PSMD9: variants seen among roughly 807,000 people sequenced by gnomAD.
The protein encoded by PSMD9 is proteasome 26S subunit, non-ATPase 9.
PSMD9 carries 26 observed loss-of-function variants against 25.9 expected under a neutral mutation model. That is an observed-to-expected ratio of 1.00 (90% CI 0.73 to 1.39). The LOEUF is 1.39. Ranked by LOEUF, PSMD9 falls within the 40% of genes most tolerant of loss-of-function variation. The pLI, the probability that PSMD9 is intolerant of heterozygous loss-of-function variation, is 0.00. For missense variants in PSMD9, 303 were observed against 299.3 expected, an observed-to-expected ratio of 1.01 and a Z score of -0.09; for synonymous variants, 110 against 114.5, an observed-to-expected ratio of 0.96 and a Z score of 0.25.
In PSMD9 at chr12:121,888,800, G is replaced by C; in HGVS notation, c.-57G>C. The C allele has an allele frequency of 6.4e-7, 1 of 1,559,228 alleles. No individual in the cohort carries two copies. The highest frequency in any genetic ancestry group is 1.2e-5 in the South Asian group (1 of 84,994). ...GGCGGAGCCGTAGTTACGGTCGACT[G>C]GGGCGTCGTCCCTAGCCCGGGAGCC... is the stretch of plus-strand genomic sequence containing the variant. On this transcript the variant is annotated 5_prime_UTR_variant, in exon 1 of 6. Transcript: ENST00000541212.
At position 121,894,838 on chromosome 12, in the gene PSMD9, A is replaced by G. The variant is rs1879186494; in HGVS notation, c.238A>G (p.Ile80Val). ...AGTCCGCACCGCCAGGCACAACATC[A>G]TATGTGAGTGGCCCTCTTAGAAGAC... ...YQVRTARHNIICLQNDHKAVM... is the reference protein window; with the variant it reads ...YQVRTARHNIVCLQNDHKAVM... The change falls in exon 2 of 6, where the codon ATA (isoleucine) becomes GTA (valine). Residue 80 changes from isoleucine (I) to valine (V), a missense_variant. Ile to Val is a conservative substitution (Grantham distance 29). Coordinates refer to ENST00000541212, the MANE Select transcript of PSMD9 (RefSeq NM_002813.7). 3 of 1,612,728 alleles carry G rather than the reference A, an allele frequency of 1.9e-6. No individual in the cohort carries two copies. Among genetic ancestry groups the G allele is most frequent in the Non-Finnish European group, 1.7e-6 (2 of 1,179,302 alleles).
chr12:121,893,333 T>C (rs1879141727), intron 1 of PSMD9, among the ~76,000 whole-genome samples: 1 of 152,166 alleles, frequency 6.6e-6, no homozygotes, highest in South Asian at 2.1e-4. Flanking sequence ...ACCCGGAGGC[T>C]TCCAGAGAGA....
At chr12:121,889,417 T>G (rs1878994278) in intron 1 of PSMD9, among the ~76,000 whole-genome samples, 1 of 152,220 alleles carries the variant, frequency 6.6e-6, no homozygotes, top group African/African-American at 2.4e-5. Context: ...AGAGTCTCAC[T>G]GTGTTGCCCA....
At position 121,904,418 on chromosome 12, in the gene PSMD9, C is replaced by A. The variant is rs540346351; in HGVS notation, c.555+1311C>A. Among the ~76,000 whole-genome samples, 119 of 149,444 alleles carry A rather than the reference C, an allele frequency of 8.0e-4. No individual in the cohort carries two copies. The Middle Eastern group carries it at 0.024, about 30-fold the overall frequency. On this transcript the variant is annotated intron_variant, in intron 4 of 5. Coordinates refer to ENST00000541212, the MANE Select transcript of PSMD9 (RefSeq NM_002813.7). Reference sequence around the variant, plus strand: ...TGAAACCCCGTCTCTACTAAAAATACAAAAAATTAGCCGGGTGTGGTGGCA... The same window carrying A: ...TGAAACCCCGTCTCTACTAAAAATAAAAAAAATTAGCCGGGTGTGGTGGCA...
Position 121,888,972 on chromosome 12 carries a change from C to A in PSMD9, c.116C>A (p.Ala39Asp). The A allele has an allele frequency of 6.3e-7, 1 of 1,588,954 alleles. No individual in the cohort carries two copies. The highest frequency in any genetic ancestry group is 8.6e-7 in the Non-Finnish European group (1 of 1,168,200). ...GAGGAGATAGAAGCGCAGATCAAGG[C>A]CAACTATGACGTGCTGGAAAGCGTG... Reference protein sequence around the residue: ...RKEEIEAQIKANYDVLESQKG... With the variant: ...RKEEIEAQIKDNYDVLESQKG... The change falls in exon 1 of 6, where the codon GCC (alanine) becomes GAC (aspartate). Residue 39 changes from alanine (A) to aspartate (D), a missense_variant. Ala to Asp is a moderately radical substitution (Grantham distance 126, BLOSUM62 -2). Coordinates refer to ENST00000541212, the MANE Select transcript of PSMD9 (RefSeq NM_002813.7).
rs1302652849 is a variant in PSMD9, at chr12:121,905,466, C to T, written c.555+2359C>T. On this transcript the variant is annotated intron_variant, in intron 4 of 5. Coordinates refer to ENST00000541212, the MANE Select transcript of PSMD9 (RefSeq NM_002813.7). Reference sequence around the variant, plus strand: ...GTCTCGATCTCCTGACCTCGTGATCCACCTGCCTTGGCCTCCCAAAGTGCT... The same window carrying T: ...GTCTCGATCTCCTGACCTCGTGATCTACCTGCCTTGGCCTCCCAAAGTGCT... Among the ~76,000 whole-genome samples the T allele has an allele frequency of 3.3e-4, 50 of 151,150 alleles. 1 individual carries two copies. The highest frequency in any genetic ancestry group is 3.3e-3 in the Admixed American group (50 of 15,196).
chr12:121,905,733 T>C lies in PSMD9; in HGVS notation c.555+2626T>C, dbSNP rs554406736. ...TTTTAGTAGAGACAGGGTTTCAGCA[T>C]GTTGGCCAGGCTGGTCTCAAACTCC... On this transcript the variant is annotated intron_variant, in intron 4 of 5. Transcript: ENST00000541212. 2.0e-5 allele frequency among the ~76,000 whole-genome samples: 3 copies of C among 151,926 alleles called. 1 individual carries two copies. The highest frequency in any genetic ancestry group is 7.3e-5 in the African/African-American group (3 of 41,248).
chr12:121,903,364 G>T (rs917764422), intron 4 of PSMD9, among the ~76,000 whole-genome samples: 1 of 152,096 alleles, frequency 6.6e-6, no homozygotes, highest in Admixed American at 6.6e-5. Context: ...TAATCCCAGT[G>T]GGGGCGCCAC....
chr12:121,907,218 C>T (rs142627309), intron 4 of PSMD9, among the ~76,000 whole-genome samples: 9 of 151,278 alleles, frequency 5.9e-5, no homozygotes, highest in East Asian at 2.0e-4. Flanking sequence ...TACAGGCACC[C>T]GCCACCACGC....
chr12:121,904,607 T>C (rs1879497799), intron 4 of PSMD9, among the ~76,000 whole-genome samples: 1 of 150,044 alleles, frequency 6.7e-6, no homozygotes, highest in African/African-American at 2.5e-5. Flanking sequence ...TTTTATTGTT[T>C]TATTTCTGTT....
chr12:121,894,240 C>G (rs1879168313), intron 1 of PSMD9: 1 of 160,052 alleles, frequency 6.2e-6, no homozygotes, highest in Non-Finnish European at 1.4e-5. Context: ...TCTCCCTGCC[C>G]TGTCACCTAG....
chr12:121,912,637 G>A (rs150161518), intron 4 of PSMD9, among the ~76,000 whole-genome samples: 5,215 of 152,054 alleles, frequency 0.034, 120 homozygotes, highest in Middle Eastern at 0.048. Context: ...AGGCTGAGGC[G>A]GGCGGATCAC....
At chr12:121,893,954 G>C (rs540009116) in intron 1 of PSMD9, 30 of 152,176 alleles carry the variant, frequency 2.0e-4, no homozygotes, top group Non-Finnish European at 3.7e-4. Context: ...AGGGAGGCGA[G>C]TGCTCCTATT....
At chr12:121,906,920 C>G (rs2135728171) in intron 4 of PSMD9, among the ~76,000 whole-genome samples, 2 of 144,104 alleles carry the variant, frequency 1.4e-5, no homozygotes, top group South Asian at 4.7e-4. Flanking sequence ...GAGCTTAGAT[C>G]ATGCCACTGC....
At chr12:121,893,163 T>C (rs924979096) in intron 1 of PSMD9, among the ~76,000 whole-genome samples, 1 of 152,208 alleles carries the variant, frequency 6.6e-6, no homozygotes, top group South Asian at 2.1e-4. Flanking sequence ...CAATGTGATA[T>C]TGATTCTCAA....
At chr12:121,915,561 A>G (rs886635487) in intron 4 of PSMD9, 14 of 349,648 alleles carry the variant, frequency 4.0e-5, no homozygotes, top group African/African-American at 2.5e-4. Context: ...AGGCATTTGT[A>G]TGTCTTGTAA....
At chr12:121,901,283 T>G (rs1219280001) in intron 3 of PSMD9, among the ~76,000 whole-genome samples, 1 of 152,196 alleles carries the variant, frequency 6.6e-6, no homozygotes, top group Non-Finnish European at 1.5e-5. Flanking sequence ...TCATATAATA[T>G]GTGACCTTTT....
rs1183403848 is a variant in PSMD9 at position 121,913,596 on chromosome 12, A to G, written c.556-2260A>G. Among the ~76,000 whole-genome samples, 3 of 146,704 alleles carry G rather than the reference A, an allele frequency of 2.0e-5. No individual in the cohort carries two copies. The Admixed American group carries it at 2.1e-4, about 10-fold the overall frequency. ...AGCCTTGAGCTTCTGGGCTCAAGTG[A>G]TCCTCCCACCTCAGCCTCCCAAGTA... is the stretch of plus-strand genomic sequence containing the variant. On this transcript the variant is annotated intron_variant, in intron 4 of 5. Transcript: ENST00000541212.
chr12:121,891,761 C>G (rs1421851048), intron 1 of PSMD9, among the ~76,000 whole-genome samples: 1 of 151,818 alleles, frequency 6.6e-6, no homozygotes, highest in African/African-American at 2.4e-5. Flanking sequence ...CAAAAATTAG[C>G]CAGGTGTGGT....
Sources: gnomAD v4.1 joint callset for allele counts (sites outside exome capture counted in the v4.1 genomes callset) on GRCh38, gnomAD v4.1.1 for gene constraint, MANE v1.5 for transcripts, NCBI Gene and HGNC (gene_info 2026-07-23, HGNC 2026-07-21) for gene names.